Variants in ITGA8 observed in about 807,000 individuals in gnomAD.
ITGA8 encodes the protein integrin subunit alpha 8.
Under a neutral mutation model 142.3 loss-of-function variants are expected in ITGA8, and 91 were observed. The observed-to-expected ratio is 0.64, with a 90% CI of 0.54 to 0.76. ITGA8 has a LOEUF of 0.76. Among genes scored for constraint, ITGA8 ranks in the 30% least tolerant of loss-of-function variants. The pLI, the probability that ITGA8 is intolerant of heterozygous loss-of-function variation, is 0.00. For missense variants in ITGA8, 1,406 were observed against 1,327.7 expected (o/e 1.06, Z -0.92); for synonymous variants, 505 against 485.2 (o/e 1.04, Z -0.54).
At chr10:15,523,401 G>A (rs1027597619) in intron 28 of ITGA8, among the ~76,000 whole-genome samples, 2 of 152,184 alleles carry the variant, frequency 1.3e-5, no homozygotes, top group Non-Finnish European at 2.9e-5. Flanking sequence ...TTGAAGCAGA[G>A]AACAACTTTA....
chr10:15,605,600 C>T (rs1833179956), intron 19 of ITGA8, 124 bp downstream of exon 19: 2 of 785,010 alleles, frequency 2.5e-6, no homozygotes, highest in South Asian at 1.7e-5. Context: ...TAGCCAAGCT[C>T]AAGAATTTCA....
At chr10:15,677,222 T>G (rs533605418) in intron 6 of ITGA8, among the ~76,000 whole-genome samples, 1 of 152,312 alleles carries the variant, frequency 6.6e-6, no homozygotes, top group South Asian at 2.1e-4. Context: ...TAACATTCTA[T>G]AGCACTATAA....
At chr10:15,575,464 C>G in intron 24 of ITGA8, 25 bp downstream of exon 24, 1 of 1,515,334 alleles carries the variant, frequency 6.6e-7, no homozygotes, top group Non-Finnish European at 9.2e-7. Context: ...ACCCCTAACA[C>G]AACTTTAACA....
intron 22 of ITGA8, among the ~76,000 whole-genome samples, chr10:15,588,663 A>C (rs1021858581): frequency 9.2e-5 from 14 of 152,340 alleles, no homozygotes; most frequent in Admixed American, 4.6e-4. Flanking sequence ...GGAAATTAGA[A>C]TTACGAAAAA....
At chr10:15,634,637 G>C (rs1833739973) in intron 13 of ITGA8, among the ~76,000 whole-genome samples, 1 of 152,098 alleles carries the variant, frequency 6.6e-6, no homozygotes, top group African/African-American at 2.4e-5. Context: ...TGGGTATATG[G>C]ATAACAATCT....
At chr10:15,651,514 C>G (rs759075120) in intron 11 of ITGA8, among the ~76,000 whole-genome samples, 2 of 151,590 alleles carry the variant, frequency 1.3e-5, no homozygotes, top group African/African-American at 2.4e-5. Flanking sequence ...GTTAACTTAT[C>G]TGGTCACTTA....
chr10:15,601,744 A>G (rs1833108100), intron 20 of ITGA8, among the ~76,000 whole-genome samples: 1 of 152,218 alleles, frequency 6.6e-6, no homozygotes, highest in Non-Finnish European at 1.5e-5. Context: ...TACATTTTCT[A>G]AAAAGACGAA....
intron 22 of ITGA8, among the ~76,000 whole-genome samples, chr10:15,588,407 A>C (rs796839121): frequency 4.6e-5 from 7 of 152,344 alleles, no homozygotes; most frequent in African/African-American, 1.7e-4. Flanking sequence ...GCTGAACCCC[A>C]GTTTCCAGGC....
rs192290496 is a variant in ITGA8, at chr10:15,533,177, T to G, written c.2881-2026A>C. Among the ~76,000 whole-genome samples the G allele has an allele frequency of 5.2e-3, 793 of 152,312 alleles. 5 individuals are homozygous for G. The highest frequency in any genetic ancestry group is 7.3e-3 in the Non-Finnish European group (499 of 68,020). ...AGTTCTTTTTCCCCTGTGGCAGAAT[T>G]TTTTTCTCCATTAGATAAACGCTTT... On this transcript the variant is annotated intron_variant, in intron 27 of 29. Coordinates refer to ENST00000378076, the MANE Select transcript of ITGA8 (RefSeq NM_003638.3).
chr10:15,660,678 C>T (rs1288332189), intron 9 of ITGA8, among the ~76,000 whole-genome samples: 2 of 152,088 alleles, frequency 1.3e-5, no homozygotes, highest in African/African-American at 4.8e-5. Flanking sequence ...AGGCTTTTGC[C>T]TAAGTGTGGG....
chr10:15,631,982 T>C (rs1338913300), intron 13 of ITGA8, among the ~76,000 whole-genome samples: 1 of 152,056 alleles, frequency 6.6e-6, no homozygotes, highest in African/African-American at 2.4e-5. Flanking sequence ...CTAATAGCCA[T>C]ATAGTTAGAT....
At position 15,714,049 on chromosome 10, in the gene ITGA8, T is replaced by G. The variant is rs112137636; in HGVS notation, c.343+4717A>C. On this transcript the variant is annotated intron_variant, in intron 2 of 29. Coordinates refer to ENST00000378076, the MANE Select transcript of ITGA8 (RefSeq NM_003638.3). The stretch of plus-strand genomic sequence containing the variant: ...CTGGTTCCCAGCTGTATTGCTTCTC[T>G]GTCATTATTAGTGCTTTGATGATTA... Among the ~76,000 whole-genome samples, 28 of 152,348 alleles carry G rather than the reference T, an allele frequency of 1.8e-4. 1 individual carries two copies. The highest frequency in any genetic ancestry group is 6.3e-4 in the African/African-American group (26 of 41,592).
rs557832581 is a variant in ITGA8 at position 15,558,727 on chromosome 10, C to T, written c.2638-525G>A. Among the ~76,000 whole-genome samples, 75 of 152,224 alleles carry T rather than the reference C, an allele frequency of 4.9e-4. 1 individual carries two copies. Among genetic ancestry groups the T allele is most frequent in the Non-Finnish European group, 9.6e-4 (65 of 68,030 alleles). On this transcript the variant is annotated intron_variant, in intron 25 of 29. Transcript: ENST00000378076. ...GCACTCCTTTAGGAGAAAATTCTGC[C>T]CTGACAAAAATGACTTTTCGAAAGT...
At chr10:15,585,362 G>T (rs527355568) in intron 23 of ITGA8, among the ~76,000 whole-genome samples, 1 of 152,178 alleles carries the variant, frequency 6.6e-6, no homozygotes, top group Non-Finnish European at 1.5e-5. Flanking sequence ...TCATTTATAA[G>T]ATGGGCTAAC....
rs546517420 is a variant in ITGA8, at chr10:15,583,591, T to A, written c.2372+2993A>T. 5.9e-5 allele frequency among the ~76,000 whole-genome samples: 9 copies of A among 152,174 alleles called. No individual in the cohort carries two copies. The South Asian group carries it at 1.9e-3, about 32-fold the overall frequency. ...ACAGATGTTTCTCAAGTGCGTTAGGTTAGGTGGAAGAAGCCAGCACCATTC... is the reference window on the plus strand; with the variant it reads ...ACAGATGTTTCTCAAGTGCGTTAGGATAGGTGGAAGAAGCCAGCACCATTC... On this transcript the variant is annotated intron_variant, in intron 23 of 29. Transcript: ENST00000378076.
intron 25 of ITGA8, among the ~76,000 whole-genome samples, chr10:15,558,565 G>A (rs1833923511): frequency 6.6e-6 from 1 of 152,160 alleles, no homozygotes; most frequent in Non-Finnish European, 1.5e-5. Flanking sequence ...GTAGAGTGGG[G>A]CCAGTTAAAC....
chr10:15,524,536 G>A (rs573603420), intron 28 of ITGA8, among the ~76,000 whole-genome samples: 1 of 152,274 alleles, frequency 6.6e-6, no homozygotes, highest in South Asian at 2.1e-4. Context: ...GGTCTTTCTG[G>A]GATAGAGTGA....
At chr10:15,599,690 G>C (rs7894408) in intron 20 of ITGA8, among the ~76,000 whole-genome samples, 105,308 of 151,466 alleles carry the variant, frequency 0.7, 38,603 homozygotes, top group South Asian at 0.84. Flanking sequence ...GGAGGCCGAG[G>C]CAGGTGGATC....
intron 22 of ITGA8, among the ~76,000 whole-genome samples, chr10:15,591,518 A>G (rs746104161): frequency 1.1e-4 from 16 of 151,672 alleles, no homozygotes; most frequent in Non-Finnish European, 1.3e-4. Context: ...TTACCCAGCC[A>G]ATGGGTTTAA....
Sources: gnomAD v4.1 joint callset for allele counts (sites outside exome capture counted in the v4.1 genomes callset) on GRCh38, gnomAD v4.1.1 for gene constraint, MANE v1.5 for transcripts, NCBI Gene and HGNC (gene_info 2026-07-23, HGNC 2026-07-21) for gene names.